TENM2: variants seen among roughly 807,000 people sequenced by gnomAD.
The protein encoded by TENM2 is teneurin transmembrane protein 2.
Under a neutral mutation model 245.2 loss-of-function variants are expected in TENM2, and 52 were observed. That is an observed-to-expected ratio of 0.21 (90% confidence interval 0.17 to 0.27). The LOEUF is 0.27. Ranked by LOEUF, TENM2 falls within the 10% of genes least tolerant of loss-of-function variation. The pLI is 1.00. For missense variants in TENM2, 3,046 were observed against 3,666.8 expected (o/e 0.83, Z 4.37); for synonymous variants, 1,363 against 1,438.9 (o/e 0.95, Z 1.19).
intron 12 of TENM2, among the ~76,000 whole-genome samples, chr5:168,141,879 A>G (rs1043083380): frequency 1.3e-5 from 2 of 152,186 alleles, no homozygotes; most frequent in Non-Finnish European, 2.9e-5. Flanking sequence ...CGGATCAGTC[A>G]TAATTTGTGT....
the TENM2 span, among the ~76,000 whole-genome samples, chr5:167,186,500 T>C: frequency 6.6e-6 from 1 of 152,270 alleles, no homozygotes; most frequent in African/African-American, 2.4e-5. Flanking sequence ...TTAGAACAAA[T>C]GAAACTGTGA....
At chr5:167,934,351 A>C (rs1410230057) in intron 3 of TENM2, among the ~76,000 whole-genome samples, 1 of 152,180 alleles carries the variant, frequency 6.6e-6, no homozygotes. Context: ...AGAAAATAAG[A>C]CATCCCTCCT....
At chr5:167,870,416 A>T (rs780143685) in intron 2 of TENM2, among the ~76,000 whole-genome samples, 1 of 152,022 alleles carries the variant, frequency 6.6e-6, no homozygotes, top group Non-Finnish European at 1.5e-5. Flanking sequence ...TTGGGTTCAA[A>T]TCCCAGCTGT....
At position 167,504,185 on chromosome 5, in the gene TENM2, T is replaced by A. The variant is rs570694064; in HGVS notation, c.502+128712T>A. 8.5e-5 allele frequency among the ~76,000 whole-genome samples: 13 copies of A among 152,346 alleles called. No homozygotes were observed. The South Asian group carries it at 2.7e-3, about 32-fold the overall frequency. On this transcript the variant is annotated intron_variant, in intron 2 of 28. Coordinates refer to ENST00000518659, the Ensembl canonical transcript of TENM2. ...AAAATTGTTAAAGTGCCAAGTATTC[T>A]TATTCTGTTATTAGGGTTATATTAG...
At chr5:167,282,196 A>T (rs147300554), upstream of TENM2, among the ~76,000 whole-genome samples, 6 of 152,296 alleles carry the variant, frequency 3.9e-5, 1 homozygote, top group African/African-American at 1.4e-4. Context: ...TTAAAAACTA[A>T]CAGTGAAGCA....
intron 2 of TENM2, among the ~76,000 whole-genome samples, chr5:167,436,740 C>T (rs900630083): frequency 5.3e-5 from 8 of 151,992 alleles, no homozygotes; most frequent in Non-Finnish European, 1.0e-4. Context: ...CTGTGTCCCA[C>T]CCACTGCAGC....
intron 2 of TENM2, among the ~76,000 whole-genome samples, chr5:167,565,540 T>C (rs1245446499): frequency 6.6e-6 from 1 of 152,232 alleles, no homozygotes; most frequent in Non-Finnish European, 1.5e-5. Flanking sequence ...CATAATGCAA[T>C]TCTTTTTCCT....
chr5:167,617,715 G>A (rs530827411), intron 2 of TENM2, among the ~76,000 whole-genome samples: 1 of 152,220 alleles, frequency 6.6e-6, no homozygotes. Context: ...CTAATGCTAT[G>A]CTTTAAACAT....
chr5:167,805,478 T>C (rs182547407), intron 2 of TENM2, among the ~76,000 whole-genome samples: 38 of 152,250 alleles, frequency 2.5e-4, no homozygotes, highest in Admixed American at 2.2e-3. Context: ...GCACTTTGTT[T>C]CCTAGCAGCT....
intron 2 of TENM2, among the ~76,000 whole-genome samples, chr5:167,774,143 AGGG>A (rs1763583322): frequency 8.9e-6 from 1 of 112,752 alleles, no homozygotes; most frequent in African/African-American, 3.6e-5. Flanking sequence ...CAATAATAAA[AGGG>A]AGGGAGGGAG....
chr5:167,773,090 T>C lies in TENM2; in HGVS notation c.503-102896T>C, dbSNP rs534011778. On this transcript the variant is annotated intron_variant, in intron 2 of 28. Coordinates refer to ENST00000518659, the Ensembl canonical transcript of TENM2. ...ATCTGAGCCATGGAATATATTGAAATGATAGAATGCTTTCAAGTTTAGCAT... is the reference window on the plus strand; with the variant it reads ...ATCTGAGCCATGGAATATATTGAAACGATAGAATGCTTTCAAGTTTAGCAT... Among the ~76,000 whole-genome samples, 452 of 152,300 alleles carry C rather than the reference T, an allele frequency of 3.0e-3. 2 individuals are homozygous for C. The highest frequency in any genetic ancestry group is 0.01 in the African/African-American group (432 of 41,564).
the TENM2 span, among the ~76,000 whole-genome samples, chr5:167,267,409 T>C: frequency 6.6e-6 from 1 of 152,138 alleles, no homozygotes; most frequent in Admixed American, 6.6e-5. Flanking sequence ...TAATCAAAGG[T>C]AATGAAGAAG....
At chr5:167,595,035 T>C (rs1431417437) in intron 2 of TENM2, among the ~76,000 whole-genome samples, 3 of 152,178 alleles carry the variant, frequency 2.0e-5, no homozygotes, top group Non-Finnish European at 4.4e-5. Context: ...GACTGATCAG[T>C]GCAAAATCAA....
intron 3 of TENM2, among the ~76,000 whole-genome samples, chr5:167,898,915 G>T (rs1238819592): frequency 2.6e-5 from 4 of 152,140 alleles, no homozygotes; most frequent in African/African-American, 9.7e-5. Flanking sequence ...AAATAAATTT[G>T]AATCTGAAAA....
At chr5:167,219,170 C>T in the TENM2 span, among the ~76,000 whole-genome samples, 3 of 152,130 alleles carry the variant, frequency 2.0e-5, no homozygotes, top group African/African-American at 7.2e-5. Flanking sequence ...CATAGAGGCT[C>T]ATGCCTGTAA....
At chr5:167,776,523 A>C (rs964226386) in intron 2 of TENM2, among the ~76,000 whole-genome samples, 3 of 125,532 alleles carry the variant, frequency 2.4e-5, no homozygotes, top group Non-Finnish European at 4.8e-5. Flanking sequence ...TGGGCCTGGG[A>C]GGTCAAGGCT....
intron 2 of TENM2, among the ~76,000 whole-genome samples, chr5:167,497,353 C>CT (rs879415453): frequency 2.0e-5 from 3 of 152,084 alleles, no homozygotes; most frequent in Admixed American, 2.0e-4. Context: ...TTCTCAGACT[C>CT]TTTTCATGAA....
chr5:168,111,540 C>CCT (rs1454436490), intron 9 of TENM2, among the ~76,000 whole-genome samples: 3 of 151,866 alleles, frequency 2.0e-5, no homozygotes, highest in Non-Finnish European at 4.4e-5. Context: ...TTTCCAACTT[C>CCT]CTCTCTCTCT....
the TENM2 span, among the ~76,000 whole-genome samples, chr5:167,032,051 C>T: frequency 6.6e-6 from 1 of 152,066 alleles, no homozygotes; most frequent in Non-Finnish European, 1.5e-5. Context: ...AACTTTGCGG[C>T]TAATGTTTTT....
Sources: allele counts gnomAD v4.1 joint callset (sites outside exome capture counted in the v4.1 genomes callset), GRCh38; gene constraint gnomAD v4.1.1; transcripts MANE v1.5; gene names NCBI Gene and HGNC (gene_info 2026-07-23, HGNC 2026-07-21).